The following MROH1 variants were observed in gnomAD, a reference collection of about 807,000 sequenced individuals.
MROH1 encodes the protein maestro heat like repeat family member 1.
A neutral mutation model predicts 116.5 loss-of-function variants in MROH1; 117 were observed. That is an observed-to-expected ratio of 1.00 (90% CI 0.86 to 1.17). The LOEUF is 1.17. Ranked by LOEUF, MROH1 falls within the 50% of genes most tolerant of loss-of-function variation. The pLI, the probability that MROH1 is intolerant of heterozygous loss-of-function variation, is 0.00. For synonymous variants in MROH1, 921 were observed against 583.9 expected (o/e 1.58, Z -8.32); for missense variants, 1,873 against 1,338.5 (o/e 1.40, Z -6.23).
chr8:144,180,561 C>G lies in MROH1; in HGVS notation c.562+38C>G, dbSNP rs1423312744. The G allele has an allele frequency of 2.5e-6, 4 of 1,587,190 alleles. No individual in the cohort carries two copies. The highest frequency in any genetic ancestry group is 2.2e-5 in the East Asian group (1 of 44,720). On this transcript the variant is annotated intron_variant, in intron 7 of 43. Coordinates refer to ENST00000326134, the MANE Select transcript of MROH1 (RefSeq NM_032450.3). The surrounding 1 kb of genome is among the most constrained non-coding windows in gnomAD (Gnocchi z 7.4). ...CTCGTCACCTTCTGTCTCAAGTGCC[C>G]CTTTGTGGGGGGCTGTTCCCGGGCA...
chr8:144,215,915 G>A (rs1462144040), intron 12 of MROH1, among the ~76,000 whole-genome samples: 2 of 151,524 alleles, frequency 1.3e-5, no homozygotes, highest in East Asian at 3.9e-4. Context: ...GGCTGGGTGC[G>A]GTGGCTCACG....
chr8:144,213,981 GTTC>G (rs367882384), intron 12 of MROH1: 102 of 152,134 alleles, frequency 6.7e-4, no homozygotes, highest in African/African-American at 2.3e-3. Flanking sequence ...TCCAAAAGAT[GTTC>G]TTCTTTTTCT....
At chr8:144,166,927 T>C (rs1820980625) in intron 3 of MROH1, among the ~76,000 whole-genome samples, 1 of 152,180 alleles carries the variant, frequency 6.6e-6, no homozygotes, top group African/African-American at 2.4e-5. Flanking sequence ...CAGTCAGATC[T>C]CATTGATTTG....
At chr8:144,211,319 T>C (rs1020989326) in intron 12 of MROH1, among the ~76,000 whole-genome samples, 37 of 152,142 alleles carry the variant, frequency 2.4e-4, no homozygotes, top group African/African-American at 8.4e-4. Flanking sequence ...AATTAATTGG[T>C]GGGAGGATGA....
intron 10 of MROH1, among the ~76,000 whole-genome samples, chr8:144,195,501 C>CAAA (rs1163550725): frequency 4.8e-4 from 17 of 35,334 alleles, no homozygotes; most frequent in South Asian, 2.2e-3. Context: ...GACTCTGTCT[C>CAAA]AAAAAAAAAA....
rs1244310514 is a variant in MROH1, at chr8:144,202,541, C to T, written c.1141+2000C>T. Reference sequence around the variant, plus strand: ...CTGTGGAGGGGTTGGGAGGGCAGCGCCCCGCTCTGTATGGAGGGGCAGGGA... The same window carrying T: ...CTGTGGAGGGGTTGGGAGGGCAGCGTCCCGCTCTGTATGGAGGGGCAGGGA... On this transcript the variant is annotated intron_variant, in intron 12 of 43. Transcript: ENST00000326134. Among the ~76,000 whole-genome samples the T allele has an allele frequency of 6.3e-5, 7 of 111,256 alleles. No individual in the cohort carries two copies. In the South Asian group the frequency reaches 2.1e-3, roughly 33 times the overall value. 73.0% of individuals were successfully genotyped at this position (111,256 alleles called of 152,430 possible).
Position 144,169,458 on chromosome 8 carries a change from A to T in MROH1, c.168+1018A>T, listed in dbSNP as rs1260365070. Among the ~76,000 whole-genome samples, 265 of 144,718 alleles carry T rather than the reference A, an allele frequency of 1.8e-3. 4 individuals are homozygous for T. Among genetic ancestry groups the T allele is most frequent in the Non-Finnish European group, 2.1e-3 (139 of 66,538 alleles). The allele number at this position is 144,718 out of a possible 152,430, so 94.9% of individuals were successfully genotyped here. On this transcript the variant is annotated intron_variant, in intron 4 of 43. Transcript: ENST00000326134. ...ATAAATTTATTTATTCATTATTGTT[A>T]TTTTTTTTTTTTGAGATGGAGTCTC...
At position 144,180,422 on chromosome 8, in the gene MROH1, C is replaced by T. The variant is rs1422616863; in HGVS notation, c.464-3C>T. On this transcript the variant is annotated splice_region_variant and splice_polypyrimidine_tract_variant and intron_variant, in intron 6 of 43. Transcript: ENST00000326134. The surrounding 1 kb of genome is among the most constrained non-coding windows in gnomAD (Gnocchi z 7.4). ...AGGCCTTTGACGGTGTCCTCTCTCA[C>T]AGCGTTCGGCGTAGTCCCCTTCCTG... is the stretch of plus-strand genomic sequence containing the variant. The T allele has an allele frequency of 3.7e-6, 6 of 1,612,952 alleles. No homozygotes were observed. Among genetic ancestry groups the T allele is most frequent in the Non-Finnish European group, 5.1e-6 (6 of 1,179,788 alleles).
intron 14 of MROH1, among the ~76,000 whole-genome samples, chr8:144,229,469 A>G (rs1241277509): frequency 6.8e-6 from 1 of 148,046 alleles, no homozygotes; most frequent in African/African-American, 2.5e-5. Flanking sequence ...CTGCAGCCTC[A>G]GCCTCCTGGA....
chr8:144,202,426 G>C (rs1227549593), intron 12 of MROH1, among the ~76,000 whole-genome samples: 1 of 150,474 alleles, frequency 6.6e-6, no homozygotes, highest in Non-Finnish European at 1.5e-5. Flanking sequence ...TCTGTGTGGA[G>C]GGGTTGGGAG....
chr8:144,171,197 G>GT (rs1205118501), intron 4 of MROH1, among the ~76,000 whole-genome samples: 1 of 152,204 alleles, frequency 6.6e-6, no homozygotes, highest in African/African-American at 2.4e-5. Context: ...AGCCCCAGGT[G>GT]TGGCCTGTGC....
In MROH1 at chr8:144,241,069, G is replaced by C; in HGVS notation, c.2013G>C (p.Glu671Asp). The change falls in exon 21 of 44, where the codon GAG becomes GAC. Residue 671 changes from glutamate (E) to aspartate (D), a missense_variant. Transcript: ENST00000326134. ...SKEVVRKHLQ[E>D]LLETARYQEE... ...AGGTGGTGAGGAAGCACCTTCAAGAGCTGCTGGAGACGGCCAGATACCAGG... is the reference window on the plus strand; with the variant it reads ...AGGTGGTGAGGAAGCACCTTCAAGACCTGCTGGAGACGGCCAGATACCAGG... 2 of 775,430 alleles carry C rather than the reference G, an allele frequency of 2.6e-6. No homozygotes were observed. Among genetic ancestry groups the C allele is most frequent in the African/African-American group, 3.4e-5 (2 of 59,192 alleles). 48.0% of individuals were successfully genotyped at this position (775,430 alleles called of 1,614,324 possible).
chr8:144,184,902 C>T (rs1000540454), intron 7 of MROH1, among the ~76,000 whole-genome samples: 1 of 152,204 alleles, frequency 6.6e-6, no homozygotes, highest in East Asian at 1.9e-4. Flanking sequence ...CCACCCAGGG[C>T]AGAAGGACGC....
At chr8:144,220,801 A>G in intron 13 of MROH1, 128 bp downstream of exon 13, 1 of 725,552 alleles carries the variant, frequency 1.4e-6, no homozygotes, top group East Asian at 2.7e-5. Flanking sequence ...GAGCTTGGGA[A>G]CAAAGGATGA....
At chr8:144,156,780 C>CTTT (rs1188353149) in intron 1 of MROH1, among the ~76,000 whole-genome samples, 12 of 82,398 alleles carry the variant, frequency 1.5e-4, no homozygotes, top group East Asian at 4.4e-4. Context: ...AGTTTAATTT[C>CTTT]TTTTTTTTTT....
In MROH1 at chr8:144,163,474, C is replaced by G. The variant is rs1218427718; in HGVS notation, c.-56-297C>G. ...TGCTGTAGGTGGAGGTGCATCCACT[C>G]CTGCTGGGGCTGATGGTGACGAGGT... On this transcript the variant is annotated intron_variant, in intron 2 of 43. Coordinates refer to ENST00000326134, the MANE Select transcript of MROH1 (RefSeq NM_032450.3). This position sits in a 1 kb window ranked among gnomAD's most constrained non-coding sequence, Gnocchi z 4.4. Among the ~76,000 whole-genome samples the G allele has an allele frequency of 6.6e-6, 1 of 152,082 alleles. No individual in the cohort carries two copies. The highest frequency in any genetic ancestry group is 2.4e-5 in the African/African-American group (1 of 41,406).
intron 3 of MROH1, among the ~76,000 whole-genome samples, chr8:144,166,907 G>T (rs1157511253): frequency 6.6e-6 from 1 of 152,198 alleles, no homozygotes. Flanking sequence ...GCTGAATGTG[G>T]CCTTAGGTAC....
chr8:144,221,839 C>T (rs990219607), intron 13 of MROH1, among the ~76,000 whole-genome samples: 16 of 152,096 alleles, frequency 1.1e-4, no homozygotes, highest in African/African-American at 3.9e-4. Context: ...GAAGCCTCCT[C>T]GGGGTGGGGA....
chr8:144,176,881 C>G (rs973406314), intron 4 of MROH1, among the ~76,000 whole-genome samples: 1 of 151,802 alleles, frequency 6.6e-6, no homozygotes, highest in African/African-American at 2.4e-5. Context: ...ATACAGTCTG[C>G]CTGCAGAAGC....
Sources: allele counts gnomAD v4.1 joint callset (sites outside exome capture counted in the v4.1 genomes callset), GRCh38; gene constraint gnomAD v4.1.1; non-coding constraint Gnocchi (gnomAD v3.1); transcripts MANE v1.5; gene names NCBI Gene and HGNC (gene_info 2026-07-23, HGNC 2026-07-21).